NGLY1: variants seen among roughly 807,000 people sequenced by gnomAD.
The protein encoded by NGLY1 is peptide-N(4)-(N-acetyl-beta-glucosaminyl)asparagine amidase.
Under a neutral mutation model 84.6 loss-of-function variants are expected in NGLY1, and 68 were observed. The observed-to-expected ratio is 0.80, with a 90% CI of 0.66 to 0.98. The LOEUF is 0.98. Ranked by LOEUF, NGLY1 falls within the 50% of genes least tolerant of loss-of-function variation. The pLI is 0.00. For missense variants in NGLY1, 779 were observed against 770.2 expected, an observed-to-expected ratio of 1.01 and a Z score of -0.14; for synonymous variants, 280 against 275.2, an observed-to-expected ratio of 1.02 and a Z score of -0.17.
chr3:25,734,210 C>T, intron 7 of NGLY1: 1 of 397,806 alleles, frequency 2.5e-6, no homozygotes, highest in South Asian at 3.7e-5. Context: ...GGACTATAGG[C>T]ATGCACCATC....
At chr3:25,738,506 T>C (rs1035920002) in intron 5 of NGLY1, among the ~76,000 whole-genome samples, 1 of 152,274 alleles carries the variant, frequency 6.6e-6, no homozygotes, top group East Asian at 1.9e-4. Context: ...CCACGTGCTT[T>C]GGAAGGAAAG....
At position 25,719,776 on chromosome 3, in the gene NGLY1, G is replaced by T. The variant is rs868608624; in HGVS notation, c.1790-141C>A. On this transcript the variant is annotated intron_variant, in intron 11 of 11. Coordinates refer to ENST00000280700, the MANE Select transcript of NGLY1 (RefSeq NM_018297.4). ...TAAATACAAATTATTCTTTATGGAA[G>T]AAATGCATCCTTTGAAACAAAGAAA... 253 of 722,722 alleles carry T rather than the reference G, an allele frequency of 3.5e-4. 2 individuals carry two copies. In the Middle Eastern group the frequency reaches 6.4e-3, roughly 18 times the overall value. 44.8% of individuals were successfully genotyped at this position (722,722 alleles called of 1,614,324 possible). A position where few individuals can be genotyped will look rare whatever the true frequency, so the allele number is the denominator to read the frequency against.
chr3:25,747,447 A>T (rs1298727666), intron 4 of NGLY1, among the ~76,000 whole-genome samples: 1 of 152,276 alleles, frequency 6.6e-6, no homozygotes, highest in Non-Finnish European at 1.5e-5. Flanking sequence ...CCAGTCATCA[A>T]AAATTGAAAA....
At chr3:25,726,581 G>A (rs1705276434) in intron 10 of NGLY1, among the ~76,000 whole-genome samples, 2 of 152,136 alleles carry the variant, frequency 1.3e-5, no homozygotes, top group African/African-American at 4.8e-5. Context: ...AGGGAGAAGG[G>A]ACAATATATC....
In NGLY1 at chr3:25,739,716, C is replaced by A; in HGVS notation, c.742G>T (p.Val248Phe). The A allele has an allele frequency of 1.2e-6, 2 of 1,614,046 alleles. No homozygotes were observed. Among genetic ancestry groups the A allele is most frequent in the Middle Eastern group, 1.6e-4 (1 of 6,062 alleles). Residue 248 changes from valine (V) to phenylalanine (F), a missense_variant, in exon 5 of 12, where the codon GTT (valine) becomes TTT (phenylalanine). Coordinates refer to ENST00000280700, the MANE Select transcript of NGLY1 (RefSeq NM_018297.4). Reference sequence around the variant, plus strand: ...TGTCCACCACATTTGCTGCACAAAACGTTATTCACCCAGTGAAAAAATTCT... The same window carrying A: ...TGTCCACCACATTTGCTGCACAAAAAGTTATTCACCCAGTGAAAAAATTCT... The part of the protein sequence containing the change: ...KEEFFHWVNN[V>F]LCSKCGGQTR...
chr3:25,755,370 C>G (rs781640628), intron 3 of NGLY1: 910 of 1,317,528 alleles, frequency 6.9e-4, no homozygotes, highest in Non-Finnish European at 8.8e-4. Flanking sequence ...ACTGTTGGTG[C>G]TGTTAGTAGC....
chr3:25,722,386 G>T (rs1388912306), intron 10 of NGLY1, among the ~76,000 whole-genome samples: 1 of 151,770 alleles, frequency 6.6e-6, no homozygotes, highest in Non-Finnish European at 1.5e-5. Flanking sequence ...ATCTGCCATG[G>T]AATATCCTAT....
upstream of NGLY1, among the ~76,000 whole-genome samples, chr3:25,785,642 T>G (rs376774174): frequency 6.7e-6 from 1 of 149,128 alleles, no homozygotes; most frequent in African/African-American, 2.5e-5. Context: ...AAGACCAGCC[T>G]GGGCAACATG....
At position 25,750,571 on chromosome 3, in the gene NGLY1, T is replaced by C. The variant is rs1706681732; in HGVS notation, c.658+527A>G. ...AGATGGTGGTAATGGCTGAACAACA[T>C]TATGACTATATTTAATAACACTGAA... On this transcript the variant is annotated intron_variant, in intron 4 of 11. Transcript: ENST00000280700. Among the ~76,000 whole-genome samples, 5 of 152,182 alleles carry C rather than the reference T, an allele frequency of 3.3e-5. No individual in the cohort carries two copies. In the South Asian group the frequency reaches 1.0e-3, roughly 32 times the overall value.
intron 4 of NGLY1, chr3:25,749,677 C>G (rs1042364250): frequency 6.4e-7 from 1 of 1,566,670 alleles, no homozygotes; most frequent in African/African-American, 1.3e-5. Context: ...ATGGGAGCAA[C>G]AAAAAAACAA....
intron 4 of NGLY1, among the ~76,000 whole-genome samples, chr3:25,740,682 C>A (rs1479518766): frequency 1.3e-5 from 2 of 150,868 alleles, no homozygotes; most frequent in Non-Finnish European, 1.5e-5. Flanking sequence ...TAAAAAACTA[C>A]AGAAAAAAAA....
intron 1 of NGLY1, among the ~76,000 whole-genome samples, chr3:25,788,538 CTTT>C: frequency 6.6e-6 from 1 of 152,238 alleles, no homozygotes; most frequent in South Asian, 2.1e-4. Context: ...AAATGATGGT[CTTT>C]TTATTTTTCT....
At chr3:25,749,943 CCAAA>C in intron 4 of NGLY1, 8 of 389,880 alleles carry the variant, frequency 2.1e-5, no homozygotes, top group South Asian at 7.8e-5. Context: ...GTAAAAACTG[CCAAA>C]AAAAAAAAAA....
At chr3:25,782,118 C>T (rs1202193125) in intron 1 of NGLY1, among the ~76,000 whole-genome samples, 1 of 152,096 alleles carries the variant, frequency 6.6e-6, no homozygotes, top group Non-Finnish European at 1.5e-5. Flanking sequence ...ATAGCATCTG[C>T]CACAAAATAA....
rs1705598730 is a variant in NGLY1, at chr3:25,732,614, CAT to C, written c.1261-133_1261-132del. Reference sequence around the variant, plus strand: ...ACAAGTACTGAATTTTATTTTCAAACATATATTATTCAGAAAATAAAAAGGAC... The same window carrying C: ...ACAAGTACTGAATTTTATTTTCAAACATATTATTCAGAAAATAAAAAGGAC... On this transcript the variant is annotated intron_variant, in intron 8 of 11. Coordinates refer to ENST00000280700, the MANE Select transcript of NGLY1 (RefSeq NM_018297.4). 6 of 572,294 alleles carry C rather than the reference CAT, an allele frequency of 1.0e-5. No individual in the cohort carries two copies. The East Asian group carries it at 1.2e-4, about 11-fold the overall frequency. The allele number at this position is 572,294 out of a possible 1,614,324, so 35.5% of individuals were successfully genotyped here.
intron 6 of NGLY1, chr3:25,736,355 A>G: frequency 6.4e-7 from 1 of 1,551,534 alleles, no homozygotes; most frequent in African/African-American, 1.4e-5. Context: ...TGTTTTTCCA[A>G]TCTCCTTTAA....
In NGLY1 at chr3:25,729,307, G is replaced by A. The variant is rs752135335; in HGVS notation, c.1437C>T (p.Thr479=). 6.4e-6 allele frequency: 9 copies of A among 1,396,430 alleles called. No homozygotes were observed. The highest frequency in any genetic ancestry group is 3.7e-5 in the South Asian group (2 of 53,358). The allele number at this position is 1,396,430 out of a possible 1,614,324, so 86.5% of individuals were successfully genotyped here. The change falls in exon 10 of 12, where the codon ACC becomes ACT. Residue 479 remains threonine, a synonymous_variant. Coordinates refer to ENST00000280700, the MANE Select transcript of NGLY1 (RefSeq NM_018297.4). ...RGEMGLQRKE[T]LFIPCENEKI... ...TCTCATTTTCACAGGGAATAAACAA[G>A]GTTTCTTTTCTCTTAAAAAGAAAGC...
intron 7 of NGLY1, chr3:25,735,355 CAGTA>C (rs1203362565): frequency 1.3e-5 from 2 of 151,858 alleles, no homozygotes; most frequent in Non-Finnish European, 2.9e-5. Context: ...CAAAACCAAA[CAGTA>C]AGAAAACACA....
At position 25,754,990 on chromosome 3, in the gene NGLY1, C is replaced by T. The variant is rs1171547284; in HGVS notation, c.493-3727G>A. On this transcript the variant is annotated intron_variant, in intron 3 of 11. Transcript: ENST00000280700. ...GGGATGCCTTGGTGATGGCACAGATCTCGAAGGATATGGGAATCACAGACT... is the reference window on the plus strand; with the variant it reads ...GGGATGCCTTGGTGATGGCACAGATTTCGAAGGATATGGGAATCACAGACT... 7.3e-6 allele frequency: 6 copies of T among 817,990 alleles called. No homozygotes were observed. The Admixed American group carries it at 8.6e-5, about 12-fold the overall frequency. The allele number at this position is 817,990 out of a possible 1,614,324, so 50.7% of individuals were successfully genotyped here. A position where few individuals can be genotyped will look rare whatever the true frequency, so the allele number is the denominator to read the frequency against.
Sources: allele counts gnomAD v4.1 joint callset (sites outside exome capture counted in the v4.1 genomes callset), GRCh38; gene constraint gnomAD v4.1.1; transcripts MANE v1.5; gene names NCBI Gene and HGNC (gene_info 2026-07-23, HGNC 2026-07-21).